Variants in SLC24A3 observed in about 807,000 individuals in gnomAD.
The protein encoded by SLC24A3 is solute carrier family 24 member 3, also known as sodium/potassium/calcium exchanger 3.
SLC24A3 carries 28 observed loss-of-function variants against 75.8 expected under a neutral mutation model. The ratio of observed to expected loss-of-function variants is 0.37; its 90% CI spans 0.27 to 0.51. The LOEUF (loss-of-function observed/expected upper bound fraction) is 0.51, where lower values mean the gene tolerates loss of function less well. Among genes scored for constraint, SLC24A3 ranks in the 20% least tolerant of loss-of-function variants. The pLI is 0.94. For synonymous variants in SLC24A3, 372 were observed against 334.1 expected, an observed-to-expected ratio of 1.11 and a Z score of -1.24; for missense variants, 663 against 847.8, an observed-to-expected ratio of 0.78 and a Z score of 2.71.
At chr20:19,242,012 G>A (rs1447083254) in intron 1 of SLC24A3, among the ~76,000 whole-genome samples, 1 of 152,188 alleles carries the variant, frequency 6.6e-6, no homozygotes, top group African/African-American at 2.4e-5. Context: ...AAGGTCCCAG[G>A]ACTGGTGCTT....
chr20:19,632,080 G>A (rs543031150), intron 6 of SLC24A3, among the ~76,000 whole-genome samples: 5 of 152,208 alleles, frequency 3.3e-5, no homozygotes, highest in South Asian at 4.2e-4. Context: ...GGGTTTTGGC[G>A]CACCAGCTGG....
intron 3 of SLC24A3, among the ~76,000 whole-genome samples, chr20:19,545,665 G>A (rs958656276): frequency 6.6e-6 from 1 of 152,122 alleles, no homozygotes; most frequent in African/African-American, 2.4e-5. Context: ...GCCCCCCACT[G>A]GAGCATATCC....
chr20:19,679,539 G>GAGGGAGACCGTGGGGAA (rs1183346338), intron 9 of SLC24A3, among the ~76,000 whole-genome samples: 34 of 145,016 alleles, frequency 2.3e-4, no homozygotes, highest in Non-Finnish European at 4.7e-4. Context: ...ACCGTGGGGA[G>GAGGGAGACCGTGGGGAA]GGGGAGAGGG....
chr20:19,323,135 G>A (rs1984752674), intron 2 of SLC24A3, among the ~76,000 whole-genome samples: 1 of 150,068 alleles, frequency 6.7e-6, no homozygotes, highest in Non-Finnish European at 1.5e-5. Context: ...GAACCCGGGA[G>A]GCGGAGGTTG....
rs1311887219 is a variant in SLC24A3, at chr20:19,281,094, G to A, written c.271+7G>A. ...AAGAACTGCACCGAACCAGGTAACA[G>A]TGCTGACTACTCATGGGCAGCAGCT... On this transcript the variant is annotated splice_region_variant and intron_variant, in intron 2 of 16. Coordinates refer to ENST00000328041, the MANE Select transcript of SLC24A3 (RefSeq NM_020689.4). The A allele has an allele frequency of 1.2e-6, 2 of 1,613,928 alleles. No homozygotes were observed. The highest frequency in any genetic ancestry group is 1.7e-6 in the Non-Finnish European group (2 of 1,179,932).
intron 2 of SLC24A3, among the ~76,000 whole-genome samples, chr20:19,347,031 G>C (rs969051627): frequency 1.3e-5 from 2 of 152,132 alleles, no homozygotes; most frequent in African/African-American, 4.8e-5. Context: ...ATGTTATTCA[G>C]TGATATGAAG....
intron 2 of SLC24A3, among the ~76,000 whole-genome samples, chr20:19,498,683 T>C (rs1275556828): frequency 6.6e-6 from 1 of 152,100 alleles, no homozygotes; most frequent in Non-Finnish European, 1.5e-5. Context: ...TAGTGGCAGA[T>C]TGCATCTTCC....
In SLC24A3 at chr20:19,685,291, T is replaced by G; in HGVS notation, c.1254T>G (p.Asn418Lys). 1 of 1,613,520 alleles carries G rather than the reference T, an allele frequency of 6.2e-7. No individual in the cohort carries two copies. Among genetic ancestry groups the G allele is most frequent in the Non-Finnish European group, 8.5e-7 (1 of 1,179,906 alleles). The change falls in exon 12 of 17, where the codon AAT becomes AAG. Residue 418 changes from asparagine to lysine, a missense_variant. Asn to Lys is a moderately conservative substitution (Grantham distance 94, BLOSUM62 0). This residue lies in a region of SLC24A3 where 510 missense variants were observed against 703.6 expected (regional missense o/e 0.72). Coordinates refer to ENST00000328041, the MANE Select transcript of SLC24A3 (RefSeq NM_020689.4). ...GNETENENED[N>K]ENDEEEEEDE... Reference sequence around the variant, plus strand: ...AAACAGAGAATGAAAATGAGGACAATGAGAATGATGAGGAGGAAGAGGAGG... The same window carrying G: ...AAACAGAGAATGAAAATGAGGACAAGGAGAATGATGAGGAGGAAGAGGAGG...
chr20:19,409,484 A>G (rs1232514936), intron 2 of SLC24A3, among the ~76,000 whole-genome samples: 1 of 152,202 alleles, frequency 6.6e-6, no homozygotes, highest in East Asian at 1.9e-4. Flanking sequence ...GAACTAGAAA[A>G]GGTTCTGAGC....
chr20:19,535,167 G>C (rs1392870692), intron 3 of SLC24A3, among the ~76,000 whole-genome samples: 1 of 152,242 alleles, frequency 6.6e-6, no homozygotes, highest in Non-Finnish European at 1.5e-5. Context: ...TCTCAAAGGA[G>C]TGATATTGTA....
chr20:19,383,927 C>T (rs370123542), intron 2 of SLC24A3, among the ~76,000 whole-genome samples: 3 of 152,178 alleles, frequency 2.0e-5, no homozygotes, highest in African/African-American at 2.4e-5. Flanking sequence ...TGGGGATTAG[C>T]GATTCAATTG....
chr20:19,318,053 G>A (rs1442220471), intron 2 of SLC24A3, among the ~76,000 whole-genome samples: 1 of 152,144 alleles, frequency 6.6e-6, no homozygotes, highest in Non-Finnish European at 1.5e-5. Context: ...AACGACCTCT[G>A]GAGCAGCCCT....
intron 3 of SLC24A3, among the ~76,000 whole-genome samples, chr20:19,575,062 C>A (rs2031108557): frequency 6.6e-6 from 1 of 151,434 alleles, no homozygotes; most frequent in Non-Finnish European, 1.5e-5. Context: ...CCAGCCTGGG[C>A]AACATGGTGA....
intron 9 of SLC24A3, among the ~76,000 whole-genome samples, chr20:19,679,529 A>AC (rs1185875326): frequency 2.8e-5 from 4 of 144,100 alleles, no homozygotes; most frequent in African/African-American, 1.1e-4. Flanking sequence ...GGAGAGGGAG[A>AC]CCGTGGGGAG....
Position 19,605,548 on chromosome 20 carries a change from C to T in SLC24A3, c.612+20004C>T, listed in dbSNP as rs184005820. Among the ~76,000 whole-genome samples the T allele has an allele frequency of 2.0e-5, 3 of 152,260 alleles. No individual in the cohort carries two copies. In the East Asian group the frequency reaches 5.8e-4, roughly 29 times the overall value. On this transcript the variant is annotated intron_variant, in intron 6 of 16. Coordinates refer to ENST00000328041, the MANE Select transcript of SLC24A3 (RefSeq NM_020689.4). ...CTGCCACTAAGAGATTAATGTCAAC[C>T]CCACAAGCCTGCCATATCAATTATC... is the stretch of plus-strand genomic sequence containing the variant.
At position 19,685,303 on chromosome 20, in the gene SLC24A3, G is replaced by A. The variant is rs2032663453; in HGVS notation, c.1266G>A (p.Glu422=). The A allele has an allele frequency of 6.2e-7, 1 of 1,613,910 alleles. No homozygotes were observed. Among genetic ancestry groups the A allele is most frequent in the African/African-American group, 1.3e-5 (1 of 75,014 alleles). Residue 422 remains glutamate (E), a synonymous_variant, in exon 12 of 17, where the codon GAG becomes GAA. Coordinates refer to ENST00000328041, the MANE Select transcript of SLC24A3 (RefSeq NM_020689.4). Reference sequence around the variant, plus strand: ...AAAATGAGGACAATGAGAATGATGAGGAGGAAGAGGAGGACGAGGATGATG... The same window carrying A: ...AAAATGAGGACAATGAGAATGATGAAGAGGAAGAGGAGGACGAGGATGATG... ...ENENEDNEND[E]EEEEDEDDDE...
At chr20:19,653,803 C>T (rs1011845222) in intron 6 of SLC24A3, among the ~76,000 whole-genome samples, 2 of 152,218 alleles carry the variant, frequency 1.3e-5, no homozygotes, top group African/African-American at 2.4e-5. Flanking sequence ...AGGCTGCATG[C>T]CCAGCTCCCC....
intron 3 of SLC24A3, among the ~76,000 whole-genome samples, chr20:19,565,418 CA>C (rs5840850): frequency 0.69 from 105,050 of 151,392 alleles, 37,766 homozygotes; most frequent in South Asian, 0.84. Context: ...GGTGGGGGGT[CA>C]AATAACCAAT....
intron 2 of SLC24A3, among the ~76,000 whole-genome samples, chr20:19,501,007 T>C (rs577925080): frequency 2.3e-4 from 35 of 152,308 alleles, no homozygotes; most frequent in African/African-American, 7.7e-4. Context: ...ATAATTGTAT[T>C]ACTTTATGGA....
Sources: allele counts gnomAD v4.1 joint callset (sites outside exome capture counted in the v4.1 genomes callset), GRCh38; gene constraint gnomAD v4.1.1; regional missense constraint gnomAD v4.1.1; transcripts MANE v1.5; gene names NCBI Gene and HGNC (gene_info 2026-07-23, HGNC 2026-07-21).